POU4F1: variants seen among roughly 807,000 people sequenced by gnomAD.
POU4F1 encodes the protein POU domain, class 4, transcription factor 1.
A neutral mutation model predicts 19.8 loss-of-function variants in POU4F1; 5 were observed. The ratio of observed to expected loss-of-function variants is 0.25; its 90% CI spans 0.13 to 0.53. POU4F1 has a LOEUF of 0.53. POU4F1 is among the 20% of genes least tolerant of loss of function. The pLI, the probability that POU4F1 is intolerant of heterozygous loss-of-function variation, is 0.96. For synonymous variants in POU4F1, 266 were observed against 247.7 expected (o/e 1.07, Z -0.69); for missense variants, 408 against 511.6 (o/e 0.80, Z 1.95).
In POU4F1 at chr13:78,598,766, A is replaced by G. The variant is rs1874586604; in HGVS notation, c.*2649T>C. 6.6e-6 allele frequency: 1 copy of G among 152,164 alleles called. No individual in the cohort carries two copies. Among genetic ancestry groups the G allele is most frequent in the African/African-American group, 2.4e-5 (1 of 41,430 alleles). 9.4% of individuals were successfully genotyped at this position (152,164 alleles called of 1,614,324 possible). On this transcript the variant is annotated 3_prime_UTR_variant, in exon 2 of 2. Transcript: ENST00000377208. ...TCCAAAGAAAAGCCATTCAGTTACT[A>G]GGTGTTTTTAGGGTAGAATATCACA... is the stretch of plus-strand genomic sequence containing the variant.
In POU4F1 at chr13:78,602,021, C is replaced by G; in HGVS notation, c.654G>C (p.Gly218=). The G allele has an allele frequency of 1.2e-6, 1 of 806,886 alleles. No homozygotes were observed. The highest frequency in any genetic ancestry group is 1.5e-6 in the Non-Finnish European group (1 of 669,330). The allele number at this position is 806,886 out of a possible 1,614,324, so 50.0% of individuals were successfully genotyped here. The change falls in exon 2 of 2, where the codon GGG becomes GGC. Residue 218 remains glycine, a synonymous_variant. Transcript: ENST00000377208. ...CGTGGTGCGCCGCCGCCGCCACCAGCCCGGGGTGCGGCAGCCCGGACGGCA... is the reference window on the plus strand; with the variant it reads ...CGTGGTGCGCCGCCGCCGCCACCAGGCCGGGGTGCGGCAGCCCGGACGGCA... The part of the protein sequence containing the change: ...MNMPSGLPHP[G]LVAAAAHHGA...
rs778296964 is a variant in POU4F1 at position 78,601,425 on chromosome 13, G to A, written c.1250C>T (p.Ala417Val). ...RQKQKRMKFS[A>V]TY ...CACCTCCCAGCCCCCTCAGTAAGTG[G>A]CAGAGAATTTCATCCGCTTCTGCTT... The change falls in exon 2 of 2, where the codon GCC becomes GTC. Residue 417 changes from alanine to valine, a missense_variant. Physicochemically the swap from Ala to Val is moderately conservative, Grantham distance 64. This residue lies in a region of POU4F1 where 35 missense variants were observed against 85.9 expected (regional missense o/e 0.41). Coordinates refer to ENST00000377208, the MANE Select transcript of POU4F1 (RefSeq NM_006237.4). 1 of 1,613,560 alleles carries A rather than the reference G, an allele frequency of 6.2e-7. No homozygotes were observed. Among genetic ancestry groups the A allele is most frequent in the Non-Finnish European group, 8.5e-7 (1 of 1,180,024 alleles).
In POU4F1 at chr13:78,601,401, A is replaced by G; in HGVS notation, c.*14T>C. The G allele has an allele frequency of 6.2e-7, 1 of 1,612,746 alleles. No homozygotes were observed. The highest frequency in any genetic ancestry group is 1.3e-5 in the African/African-American group (1 of 74,716). On this transcript the variant is annotated 3_prime_UTR_variant, in exon 2 of 2. Transcript: ENST00000377208. ...AGCTCCCCATTCTGTCCCGCCCGAC[A>G]CCTCCCAGCCCCCTCAGTAAGTGGC...
In POU4F1 at chr13:78,602,433, G is replaced by T. The variant is rs1451046566; in HGVS notation, c.242C>A (p.Thr81Lys). ...GKSHPFKPDA[T>K]YHTMNSVPCT... is the part of the protein sequence containing the mutation. The stretch of plus-strand genomic sequence containing the variant: ...CGGCACGCTGTTCATCGTGTGGTAC[G>T]TGGCGTCCGGCTTGAAAGGATGGCT... Residue 81 changes from threonine (T) to lysine (K), a missense_variant, in exon 2 of 2, where the codon ACG (threonine) becomes AAG (lysine). Physicochemically the swap from Thr to Lys is moderately conservative, Grantham distance 78. Coordinates refer to ENST00000377208, the MANE Select transcript of POU4F1 (RefSeq NM_006237.4). The T allele has an allele frequency of 1.3e-6, 2 of 1,594,192 alleles. No individual in the cohort carries two copies. Among genetic ancestry groups the T allele is most frequent in the South Asian group, 2.3e-5 (2 of 87,648 alleles).
chr13:78,601,648 T>G lies in POU4F1; in HGVS notation c.1027A>C (p.Lys343Gln). The G allele has an allele frequency of 1.2e-6, 2 of 1,613,848 alleles. No individual in the cohort carries two copies. Among genetic ancestry groups the G allele is most frequent in the South Asian group, 2.2e-5 (2 of 91,076 alleles). ...TTGAAGAGCTCAGGCTTGTTCATTT[T>G]CTCGCGCTGGGCGCCCTCGGCCTCC... is the stretch of plus-strand genomic sequence containing the variant. ...LEEAEGAQRE[K>Q]MNKPELFNGG... Residue 343 changes from lysine (K) to glutamine (Q), a missense_variant, in exon 2 of 2, where the codon AAA (lysine) becomes CAA (glutamine). Physicochemically the swap from Lys to Gln is moderately conservative, Grantham distance 53 (BLOSUM62 1). This residue lies in a region of POU4F1 where 39 missense variants were observed against 36.8 expected (regional missense o/e 1.06). Coordinates refer to ENST00000377208, the MANE Select transcript of POU4F1 (RefSeq NM_006237.4).
chr13:78,603,158 G>T, intron 1 of POU4F1, 46 bp downstream of exon 1: 1 of 1,301,808 alleles, frequency 7.7e-7, no homozygotes, highest in Admixed American at 4.1e-5. Context: ...TCGGAGACGG[G>T]GAGGGGCGGG....
chr13:78,603,213 G>A lies in POU4F1; in HGVS notation c.114C>T (p.Pro38=), dbSNP rs2137406228. The A allele has an allele frequency of 6.5e-7, 1 of 1,545,878 alleles. No homozygotes were observed. Among genetic ancestry groups the A allele is most frequent in the Non-Finnish European group, 8.7e-7 (1 of 1,147,354 alleles). ...SSEAIRRACL[P]TPPLQSNLFA... ...GGCGTGGGGCGCTTACCGGCGGCGT[G>A]GGCAGGCAGGCCCGCCGGATGGCCT... is the stretch of plus-strand genomic sequence containing the variant. Residue 38 remains proline, a synonymous_variant, in exon 1 of 2, where the codon CCC becomes CCT. Coordinates refer to ENST00000377208, the MANE Select transcript of POU4F1 (RefSeq NM_006237.4).
chr13:78,598,680 AG>A lies in POU4F1; in HGVS notation c.*2734del, dbSNP rs540501205. The A allele has an allele frequency of 6.0e-4, 92 of 152,324 alleles. No homozygotes were observed. Among genetic ancestry groups the A allele is most frequent in the Non-Finnish European group, 1.1e-3 (75 of 68,036 alleles). The allele number at this position is 152,324 out of a possible 1,614,324, so 9.4% of individuals were successfully genotyped here. A position where few individuals can be genotyped will look rare whatever the true frequency, so the allele number is the denominator to read the frequency against. On this transcript the variant is annotated 3_prime_UTR_variant, in exon 2 of 2. Transcript: ENST00000377208. ...CTAGTCCCAAGTCACCAAGAAATAG[AG>A]GCTCTCTAGTCACTGTGGAGCAGTA... is the stretch of plus-strand genomic sequence containing the variant.
rs1874629684 is a variant in POU4F1, at chr13:78,599,943, A to G, written c.*1472T>C. 6.6e-6 allele frequency: 1 copy of G among 152,664 alleles called. No individual in the cohort carries two copies. The highest frequency in any genetic ancestry group is 6.5e-5 in the Admixed American group (1 of 15,290). The allele number at this position is 152,664 out of a possible 1,614,324, so 9.5% of individuals were successfully genotyped here. A position where few individuals can be genotyped will look rare whatever the true frequency, so the allele number is the denominator to read the frequency against. ...GTGCAAATTAAAGTTCTTGCTACCC[A>G]ACATTTATCCCCTGTAATAAATGAC... On this transcript the variant is annotated 3_prime_UTR_variant, in exon 2 of 2. Transcript: ENST00000377208.
chr13:78,602,729 T>C (rs949063762), intron 1 of POU4F1, among the ~76,000 whole-genome samples, 178 bp from the exon 2 acceptor site: 1 of 117,118 alleles, frequency 8.5e-6, no homozygotes, highest in African/African-American at 3.3e-5. Context: ...AGGGGGCACA[T>C]TGACGACCAG....
rs1237289785 is a variant in POU4F1, at chr13:78,599,842, A to G, written c.*1573T>C. 2 of 152,626 alleles carry G rather than the reference A, an allele frequency of 1.3e-5. No individual in the cohort carries two copies. The highest frequency in any genetic ancestry group is 6.5e-5 in the Admixed American group (1 of 15,282). The allele number at this position is 152,626 out of a possible 1,614,324, so 9.5% of individuals were successfully genotyped here. A position where few individuals can be genotyped will look rare whatever the true frequency, so the allele number is the denominator to read the frequency against. ...CCTTCAACTATCTTAATTTTTTAAA[A>G]TCCACCAGCAGCTTGTAAGGTACCT... On this transcript the variant is annotated 3_prime_UTR_variant, in exon 2 of 2. Transcript: ENST00000377208.
chr13:78,601,532 C>G lies in POU4F1; in HGVS notation c.1143G>C (p.Ser381=). The G allele has an allele frequency of 6.2e-7, 1 of 1,613,976 alleles. No individual in the cohort carries two copies. The highest frequency in any genetic ancestry group is 8.5e-7 in the Non-Finnish European group (1 of 1,180,026). The change falls in exon 2 of 2, where the codon TCG becomes TCC. Residue 381 remains serine (S), a synonymous_variant. Transcript: ENST00000377208. The part of the protein sequence containing the change: ...EAYFAVQPRP[S]SEKIAAIAEK... Reference sequence around the variant, plus strand: ...CGGCGATGGCGGCGATCTTCTCGGACGAGGGCCGGGGCTGCACGGCGAAGT... The same window carrying G: ...CGGCGATGGCGGCGATCTTCTCGGAGGAGGGCCGGGGCTGCACGGCGAAGT...
In POU4F1 at chr13:78,599,072, C is replaced by T. The variant is rs1874597645; in HGVS notation, c.*2343G>A. 1 of 152,362 alleles carries T rather than the reference C, an allele frequency of 6.6e-6. No individual in the cohort carries two copies. The highest frequency in any genetic ancestry group is 2.4e-5 in the African/African-American group (1 of 41,416). The allele number at this position is 152,362 out of a possible 1,614,324, so 9.4% of individuals were successfully genotyped here. On this transcript the variant is annotated 3_prime_UTR_variant, in exon 2 of 2. Coordinates refer to ENST00000377208, the MANE Select transcript of POU4F1 (RefSeq NM_006237.4). ...GTCCCCCTTCAACACCCTACCCTCC[C>T]CCCATTTCTTTGTGTTTTCTTTTTG...
At position 78,602,188 on chromosome 13, in the gene POU4F1, G is replaced by GGCCGCCGCCGCCGGGGCC. The variant is rs552672805; in HGVS notation, c.486_487insGGCCCCGGCGGCGGCGGC (p.Gly162_Pro163insGlyProGlyGlyGlyGly). 5.1e-6 allele frequency: 1 copy of GGCCGCCGCCGCCGGGGCC among 195,502 alleles called. No individual in the cohort carries two copies. Among genetic ancestry groups the GGCCGCCGCCGCCGGGGCC allele is most frequent in the Non-Finnish European group, 8.9e-6 (1 of 112,402 alleles). 12.1% of individuals were successfully genotyped at this position (195,502 alleles called of 1,614,324 possible). A position where few individuals can be genotyped will look rare whatever the true frequency, so the allele number is the denominator to read the frequency against. On this transcript the variant is annotated inframe_insertion, in exon 2 of 2. Transcript: ENST00000377208. ...GGGCCGCCACCGCCGCCTCCCCCGGGGCCGCCGCCCGGGCCGCCGCCGCCG... is the reference window on the plus strand; with the variant it reads ...GGGCCGCCACCGCCGCCTCCCCCGGGGCCGCCGCCGCCGGGGCCGCCGCCGCCCGGGCCGCCGCCGCCG...
Position 78,601,220 on chromosome 13 carries a change from C to T in POU4F1, c.*195G>A, listed in dbSNP as rs1454386878. 28 of 970,600 alleles carry T rather than the reference C, an allele frequency of 2.9e-5. No homozygotes were observed. Among genetic ancestry groups the T allele is most frequent in the Admixed American group, 1.7e-4 (6 of 34,614 alleles). 60.1% of individuals were successfully genotyped at this position (970,600 alleles called of 1,614,324 possible). ...TACTCCAATCCCCACACCCAGCACC[C>T]CAGTCCTCAAGGCTAGGGGACAGCA... On this transcript the variant is annotated 3_prime_UTR_variant, in exon 2 of 2. Coordinates refer to ENST00000377208, the MANE Select transcript of POU4F1 (RefSeq NM_006237.4).
intron 1 of POU4F1, 82 bp from the exon 2 acceptor site, chr13:78,602,633 C>T (rs1874758611): frequency 7.6e-7 from 1 of 1,321,126 alleles, no homozygotes; most frequent in Non-Finnish European, 9.7e-7. Context: ...CACACACAGG[C>T]CGGAAAGCAC....
At position 78,603,207 on chromosome 13, in the gene POU4F1, C is replaced by T. The variant is rs1209720274; in HGVS notation, c.120G>A (p.Pro40=). The change falls in exon 1 of 2, where the codon CCG becomes CCA. Residue 40 remains proline (P), a synonymous_variant. Transcript: ENST00000377208. ...EAIRRACLPT[P]PLQSNLFASL... ...GCCGCGGGCGTGGGGCGCTTACCGG[C>T]GGCGTGGGCAGGCAGGCCCGCCGGA... is the stretch of plus-strand genomic sequence containing the variant. 2.0e-6 allele frequency: 3 copies of T among 1,537,410 alleles called. No individual in the cohort carries two copies. Among genetic ancestry groups the T allele is most frequent in the Non-Finnish European group, 2.6e-6 (3 of 1,143,266 alleles).
In POU4F1 at chr13:78,600,417, G is replaced by A. The variant is rs534373283; in HGVS notation, c.*998C>T. ...CTTCGACATAAGAGGAAAAAAAACT[G>A]TTGTTAAAATTGTTTCATTTTCCTA... On this transcript the variant is annotated 3_prime_UTR_variant, in exon 2 of 2. Transcript: ENST00000377208. 6.6e-6 allele frequency: 1 copy of A among 152,256 alleles called. No individual in the cohort carries two copies. The highest frequency in any genetic ancestry group is 6.5e-5 in the Admixed American group (1 of 15,294). 9.4% of individuals were successfully genotyped at this position (152,256 alleles called of 1,614,324 possible).
rs200107331 is a variant in POU4F1, at chr13:78,599,501, C to A, written c.*1914G>T. On this transcript the variant is annotated 3_prime_UTR_variant, in exon 2 of 2. Transcript: ENST00000377208. ...ACAGGCAGTAGACTGTGAAATCGCA[C>A]TAGCCACAAAACGGTCTACCAGAAA... 6.6e-6 allele frequency: 1 copy of A among 152,598 alleles called. No individual in the cohort carries two copies. The highest frequency in any genetic ancestry group is 1.5e-5 in the Non-Finnish European group (1 of 68,046). 9.5% of individuals were successfully genotyped at this position (152,598 alleles called of 1,614,324 possible).
Sources: allele counts gnomAD v4.1 joint callset (sites outside exome capture counted in the v4.1 genomes callset), GRCh38; gene constraint gnomAD v4.1.1; regional missense constraint gnomAD v4.1.1; transcripts MANE v1.5; gene names NCBI Gene and HGNC (gene_info 2026-07-23, HGNC 2026-07-21).